PRDM16: variants seen among roughly 807,000 people sequenced by gnomAD.
PRDM16 encodes histone-lysine N-methyltransferase PRDM16.
PRDM16 carries 23 observed loss-of-function variants against 110.6 expected under a neutral mutation model. The ratio of observed to expected loss-of-function variants is 0.21; its 90% CI spans 0.15 to 0.29. The LOEUF (loss-of-function observed/expected upper bound fraction) is 0.29. Among genes scored for constraint, PRDM16 ranks in the 10% least tolerant of loss-of-function variants. PRDM16 has a pLI of 1.00. For missense variants in PRDM16, 1,615 were observed against 1,794.3 expected, an observed-to-expected ratio of 0.90 and a Z score of 1.81; for synonymous variants, 799 against 781.8, an observed-to-expected ratio of 1.02 and a Z score of -0.37.
At chr1:3,273,771 A>G (rs1447731090) in intron 3 of PRDM16, among the ~76,000 whole-genome samples, 2 of 150,104 alleles carry the variant, frequency 1.3e-5, no homozygotes, top group African/African-American at 4.9e-5. Flanking sequence ...ATATAAGGGT[A>G]TATGCCTTTG....
chr1:3,226,346 A>G (rs938026367), intron 2 of PRDM16, among the ~76,000 whole-genome samples: 6 of 152,282 alleles, frequency 3.9e-5, no homozygotes, highest in African/African-American at 7.2e-5. Context: ...GCCGCTCTTC[A>G]TTTGGTCCTG....
chr1:3,119,873 GA>G (rs1643054321), intron 1 of PRDM16, among the ~76,000 whole-genome samples: 1 of 152,212 alleles, frequency 6.6e-6, no homozygotes, highest in South Asian at 2.1e-4. Flanking sequence ...GTGTGCGGGG[GA>G]GAGGGAAGCC....
intron 3 of PRDM16, among the ~76,000 whole-genome samples, chr1:3,279,773 G>T (rs972985502): frequency 6.6e-6 from 1 of 152,096 alleles, no homozygotes; most frequent in Non-Finnish European, 1.5e-5. Flanking sequence ...TTTCCCCATT[G>T]CCTGAGGACC....
intron 1 of PRDM16, among the ~76,000 whole-genome samples, chr1:3,090,027 G>C (rs908591752): frequency 6.6e-6 from 1 of 152,154 alleles, no homozygotes; most frequent in African/African-American, 2.4e-5. Flanking sequence ...CCTCGTACTT[G>C]TTCACAGCTT....
chr1:3,394,568 G>A (rs1339083641), intron 4 of PRDM16: 2 of 390,430 alleles, frequency 5.1e-6, no homozygotes, highest in Non-Finnish European at 1.0e-5. Flanking sequence ...GCCCTCTAAC[G>A]GGACCCCTCG....
chr1:3,201,374 G>A lies in PRDM16; in HGVS notation c.387+14900G>A, dbSNP rs147673254. On this transcript the variant is annotated intron_variant, in intron 2 of 16. Transcript: ENST00000270722. The surrounding 1 kb of genome is among the most constrained non-coding windows in gnomAD (Gnocchi z 4.1). ...GCAGCCTCGGCGCTCAGAGGCGGGT[G>A]TCCAGTCCCCAGAGAGGTGGCCTTC... Among the ~76,000 whole-genome samples, 331 of 152,270 alleles carry A rather than the reference G, an allele frequency of 2.2e-3. 2 individuals carry two copies. In the South Asian group the frequency reaches 0.023, roughly 11 times the overall value.
chr1:3,388,796 G>C (rs925047623), intron 4 of PRDM16, among the ~76,000 whole-genome samples: 1 of 152,302 alleles, frequency 6.6e-6, no homozygotes, highest in South Asian at 2.1e-4. Context: ...CTTTGGAGGC[G>C]GGGGAGTCAC....
At chr1:3,415,251 C>A (rs2100670850) in intron 10 of PRDM16, among the ~76,000 whole-genome samples, 1 of 152,324 alleles carries the variant, frequency 6.6e-6, no homozygotes, top group Admixed American at 6.5e-5. Context: ...AGGTGGGCAG[C>A]ATGGCCAGGG....
At chr1:3,150,122 C>T (rs943364838) in intron 1 of PRDM16, among the ~76,000 whole-genome samples, 11 of 152,112 alleles carry the variant, frequency 7.2e-5, no homozygotes, top group Admixed American at 3.3e-4. Context: ...GGAATCCCCC[C>T]GAACGCACAG....
intron 3 of PRDM16, among the ~76,000 whole-genome samples, chr1:3,362,294 G>T (rs143029323): frequency 2.0e-5 from 3 of 152,014 alleles, no homozygotes; most frequent in African/African-American, 7.2e-5. Flanking sequence ...CATGCATAGC[G>T]GGCACGTGGT....
chr1:3,140,150 G>A (rs1202630770), intron 1 of PRDM16, among the ~76,000 whole-genome samples: 2 of 152,258 alleles, frequency 1.3e-5, no homozygotes, highest in Non-Finnish European at 2.9e-5. Flanking sequence ...AACATCGGCA[G>A]CACCCGAAGT....
chr1:3,177,986 G>A (rs2242433), intron 1 of PRDM16, among the ~76,000 whole-genome samples: 2,059 of 152,266 alleles, frequency 0.014, 87 homozygotes, highest in East Asian at 0.11. Context: ...AGACCCTTCT[G>A]GCAGACGCCA....
rs774801289 is a variant in PRDM16 at position 3,186,465 on chromosome 1, C to T, written c.378C>T (p.Phe126=). 2.2e-5 allele frequency: 34 copies of T among 1,530,168 alleles called. No homozygotes were observed. Among genetic ancestry groups the T allele is most frequent in the South Asian group, 2.2e-4 (17 of 78,770 alleles). The allele number at this position is 1,530,168 out of a possible 1,614,324, so 94.8% of individuals were successfully genotyped here. Reference sequence around the variant, plus strand: ...GGGCGGCGGCAAAGGAGACAGACTTCGGATGGGAGGTGAGCGATCGCGCCT... The same window carrying T: ...GGGCGGCGGCAAAGGAGACAGACTTTGGATGGGAGGTGAGCGATCGCGCCT... ...VPRAAAKETD[F]GWEQILTDVE... is the part of the protein sequence containing the mutation. The change falls in exon 2 of 17, where the codon TTC becomes TTT. Residue 126 remains phenylalanine (F), a synonymous_variant. Transcript: ENST00000270722.
At chr1:3,100,981 G>A (rs1642518982) in intron 1 of PRDM16, among the ~76,000 whole-genome samples, 1 of 152,120 alleles carries the variant, frequency 6.6e-6, no homozygotes, top group African/African-American at 2.4e-5. Context: ...TGGAGGAGGG[G>A]GCATTGGAGG....
At chr1:3,432,822 C>A (rs761633948) in intron 16 of PRDM16, among the ~76,000 whole-genome samples, 10 of 152,212 alleles carry the variant, frequency 6.6e-5, no homozygotes, top group Non-Finnish European at 1.3e-4. Context: ...GGCTTCCCCA[C>A]CTTCCCTGCC....
At chr1:3,108,004 A>G (rs1348814987) in intron 1 of PRDM16, among the ~76,000 whole-genome samples, 2 of 152,274 alleles carry the variant, frequency 1.3e-5, no homozygotes, top group African/African-American at 4.8e-5. Context: ...GGCTGGTGTC[A>G]GGGAGTTCAC....
chr1:3,090,301 C>T (rs538893819), intron 1 of PRDM16, among the ~76,000 whole-genome samples: 25 of 152,342 alleles, frequency 1.6e-4, no homozygotes, highest in African/African-American at 4.8e-4. Flanking sequence ...TTTCCCGAAG[C>T]GCTTCCATCC....
intron 1 of PRDM16, among the ~76,000 whole-genome samples, chr1:3,178,005 C>T (rs1236219892): frequency 2.6e-5 from 4 of 152,142 alleles, no homozygotes; most frequent in South Asian, 2.1e-4. Context: ...CAGGCCGCGG[C>T]GTCTTGCTGC....
chr1:3,233,173 G>A (rs957385271), intron 2 of PRDM16, among the ~76,000 whole-genome samples: 1 of 152,352 alleles, frequency 6.6e-6, no homozygotes, highest in Non-Finnish European at 1.5e-5. Context: ...GCCAGTGAGG[G>A]AGCCTCCAGC....
Sources: allele counts gnomAD v4.1 joint callset (sites outside exome capture counted in the v4.1 genomes callset), GRCh38; gene constraint gnomAD v4.1.1; non-coding constraint Gnocchi (gnomAD v3.1); transcripts MANE v1.5; gene names NCBI Gene and HGNC (gene_info 2026-07-23, HGNC 2026-07-21).